Variants in WSB2 observed in about 807,000 individuals in gnomAD.
WSB2 encodes the protein WD repeat and SOCS box containing 2.
Under a neutral mutation model 48.8 loss-of-function variants are expected in WSB2, and 12 were observed. The observed-to-expected ratio is 0.25, with a 90% confidence interval of 0.16 to 0.40. The LOEUF (loss-of-function observed/expected upper bound fraction) is 0.40, where lower values mean the gene tolerates loss of function less well. WSB2 is among the 10% of genes least tolerant of loss of function. The pLI, the probability that WSB2 is intolerant of heterozygous loss-of-function variation, is 1.00. For synonymous variants in WSB2, 191 were observed against 203.1 expected, an observed-to-expected ratio of 0.94 and a Z score of 0.51; for missense variants, 317 against 506.2, an observed-to-expected ratio of 0.63 and a Z score of 3.59.
chr12:118,062,153 C>G (rs1169480942), upstream of WSB2: 2 of 1,535,546 alleles, frequency 1.3e-6, no homozygotes, highest in Admixed American at 2.0e-5. Context: ...CTCTCCCTGT[C>G]TACCCGCATA....
chr12:118,034,889 A>G (rs752697955), intron 8 of WSB2, 97 bp downstream of exon 8: 7 of 1,200,872 alleles, frequency 5.8e-6, no homozygotes, highest in Middle Eastern at 3.9e-4. Context: ...AGCTTTCCTC[A>G]TAGGCAAGAA....
intron 3 of WSB2, 27 bp from the exon 4 acceptor site, chr12:118,042,999 C>T (rs1230991241): frequency 6.2e-7 from 1 of 1,613,996 alleles, no homozygotes; most frequent in Non-Finnish European, 8.5e-7. Context: ...GGCACTGAGT[C>T]AGCCAGAGAG....
chr12:118,034,574 GCTCT>G (rs368693869), intron 8 of WSB2: 6 of 529,494 alleles, frequency 1.1e-5, no homozygotes, highest in Middle Eastern at 5.3e-4. Context: ...ATACCAAAGC[GCTCT>G]CTCTGTCTCT....
At chr12:118,036,629 T>C (rs1310045574) in intron 5 of WSB2, 119 bp from the exon 6 acceptor site, 1 of 1,068,528 alleles carries the variant, frequency 9.4e-7, no homozygotes, top group Non-Finnish European at 1.3e-6. Flanking sequence ...TGATTCTCTA[T>C]CCCTTTTCTA....
At chr12:118,052,191 G>A in intron 2 of WSB2, 119 bp downstream of exon 2, 1 of 1,355,514 alleles carries the variant, frequency 7.4e-7, no homozygotes, top group Non-Finnish European at 9.9e-7. Flanking sequence ...AAACCCCCAT[G>A]ATCAATTCCT....
intron 1 of WSB2, among the ~76,000 whole-genome samples, chr12:118,059,561 C>G (rs1033488522): frequency 1.3e-5 from 2 of 152,110 alleles, no homozygotes; most frequent in African/African-American, 4.8e-5. Context: ...TGTACAGTAA[C>G]TTGGCAGCTC....
In WSB2 at chr12:118,034,978, A is replaced by G. The variant is rs373392059; in HGVS notation, c.1052+8T>C. ...CACCACCCATCTGTTCAGCTAACAA[A>G]TACATACCCTGTGGCAATGACTCCA... is the stretch of plus-strand genomic sequence containing the variant. On this transcript the variant is annotated splice_region_variant and intron_variant, in intron 8 of 8. Coordinates refer to ENST00000315436, the MANE Select transcript of WSB2 (RefSeq NM_018639.5). The G allele has an allele frequency of 6.2e-7, 1 of 1,613,818 alleles. No individual in the cohort carries two copies. The highest frequency in any genetic ancestry group is 8.5e-7 in the Non-Finnish European group (1 of 1,179,788).
rs1566134480 is a variant in WSB2 at position 118,034,169 on chromosome 12, A to G, written c.*27T>C. The G allele has an allele frequency of 1.2e-6, 2 of 1,613,650 alleles. No individual in the cohort carries two copies. The highest frequency in any genetic ancestry group is 2.2e-5 in the East Asian group (1 of 44,882). On this transcript the variant is annotated 3_prime_UTR_variant, in exon 9 of 9. Transcript: ENST00000315436. ...CTTTGACAGGACGATTTACCCTGCT[A>G]CAAAGAAGCACAAGATGTGGTGTTG...
intron 2 of WSB2, among the ~76,000 whole-genome samples, chr12:118,043,712 G>A (rs1394998271): frequency 6.6e-6 from 1 of 152,150 alleles, no homozygotes; most frequent in Non-Finnish European, 1.5e-5. Flanking sequence ...CTCCCAAAGT[G>A]CTGGGATTAC....
In WSB2 at chr12:118,038,395, G is replaced by C. The variant is rs1349645113; in HGVS notation, c.560-7C>G. 1 of 1,613,170 alleles carries C rather than the reference G, an allele frequency of 6.2e-7. No homozygotes were observed. Among genetic ancestry groups the C allele is most frequent in the Non-Finnish European group, 8.5e-7 (1 of 1,179,566 alleles). On this transcript the variant is annotated splice_polypyrimidine_tract_variant and splice_region_variant and intron_variant, in intron 4 of 8. Coordinates refer to ENST00000315436, the MANE Select transcript of WSB2 (RefSeq NM_018639.5). ...AACACTTGAATCTGTTTACCTGGCAGGAAAAAGAAGCAAACAATGAGCCAG... is the reference window on the plus strand; with the variant it reads ...AACACTTGAATCTGTTTACCTGGCACGAAAAAGAAGCAAACAATGAGCCAG...
Position 118,036,369 on chromosome 12 carries a change from G to A in WSB2, c.802C>T (p.Pro268Ser). The change falls in exon 6 of 9, where the codon CCC (proline) becomes TCC (serine). Residue 268 changes from proline to serine, a missense_variant. By Grantham distance (74) the Pro-to-Ser change is moderately conservative. Transcript: ENST00000315436. Reference sequence around the variant, plus strand: ...GACCTCAGCCTTTCGCCGGTGTAGGGGTCCCACATAATCACATTGGTATCG... The same window carrying A: ...GACCTCAGCCTTTCGCCGGTGTAGGAGTCCCACATAATCACATTGGTATCG... ...SYDTNVIMWD[P>S]YTGERLRSLH... 1 of 1,614,134 alleles carries A rather than the reference G, an allele frequency of 6.2e-7. No homozygotes were observed. Among genetic ancestry groups the A allele is most frequent in the South Asian group, 1.1e-5 (1 of 91,076 alleles).
intron 2 of WSB2, among the ~76,000 whole-genome samples, chr12:118,051,135 A>AAT (rs2031844348): frequency 6.6e-6 from 1 of 152,178 alleles, no homozygotes; most frequent in Non-Finnish European, 1.5e-5. Context: ...ACCACTATGA[A>AAT]ATGCCACTTC....
rs896758436 is a variant in WSB2 at position 118,032,772 on chromosome 12, G to A, written c.*1424C>T. On this transcript the variant is annotated 3_prime_UTR_variant, in exon 9 of 9. Coordinates refer to ENST00000315436, the MANE Select transcript of WSB2 (RefSeq NM_018639.5). ...TGCCCAGGCTGATCTTGAACTCCTG[G>A]GCTCAAGCAGTCCTCCCACCTCAGC... The A allele has an allele frequency of 6.6e-6, 1 of 152,132 alleles. No individual in the cohort carries two copies. The highest frequency in any genetic ancestry group is 1.5e-5 in the Non-Finnish European group (1 of 68,060). The allele number at this position is 152,132 out of a possible 1,614,324, so 9.4% of individuals were successfully genotyped here.
rs911301857 is a variant in WSB2, at chr12:118,033,029, C to T, written c.*1167G>A. On this transcript the variant is annotated 3_prime_UTR_variant, in exon 9 of 9. Transcript: ENST00000315436. The stretch of plus-strand genomic sequence containing the variant: ...TCAACTTTCTCAACGAGTCATGTAA[C>T]GTTACACTGGCCTCCATAAAGCACC... 33 of 152,060 alleles carry T rather than the reference C, an allele frequency of 2.2e-4. No individual in the cohort carries two copies. Among genetic ancestry groups the T allele is most frequent in the African/African-American group, 8.0e-4 (33 of 41,400 alleles). 9.4% of individuals were successfully genotyped at this position (152,060 alleles called of 1,614,324 possible).
At chr12:118,053,416 TAAG>T (rs1373658409) in intron 1 of WSB2, among the ~76,000 whole-genome samples, 2 of 152,178 alleles carry the variant, frequency 1.3e-5, no homozygotes, top group African/African-American at 4.8e-5. Flanking sequence ...GATTCACAAC[TAAG>T]AAGCGTACCC....
chr12:118,039,346 T>G (rs114659592), intron 4 of WSB2, among the ~76,000 whole-genome samples: 37 of 152,330 alleles, frequency 2.4e-4, no homozygotes, highest in African/African-American at 8.9e-4. Flanking sequence ...TGGTGGTATA[T>G]CTACCCCATT....
At chr12:118,043,674 T>A (rs923323888) in intron 2 of WSB2, among the ~76,000 whole-genome samples, 1 of 152,146 alleles carries the variant, frequency 6.6e-6, no homozygotes, top group Non-Finnish European at 1.5e-5. Flanking sequence ...CTCAAACTCC[T>A]GAGCTCAAGT....
At chr12:118,036,242 C>T (rs757015369) in intron 6 of WSB2, 96 bp downstream of exon 6, 14 of 1,407,308 alleles carry the variant, frequency 9.9e-6, no homozygotes, top group Non-Finnish European at 1.4e-5. Context: ...CTTGTCCCCT[C>T]CCATGTCCCA....
intron 5 of WSB2, among the ~76,000 whole-genome samples, chr12:118,037,054 C>T (rs188340160): frequency 1.9e-3 from 289 of 152,196 alleles, no homozygotes; most frequent in Non-Finnish European, 3.4e-3. Flanking sequence ...TGGTGGTGCA[C>T]GCCTGTAAGC....
Sources: allele counts gnomAD v4.1 joint callset (sites outside exome capture counted in the v4.1 genomes callset), GRCh38; gene constraint gnomAD v4.1.1; transcripts MANE v1.5; gene names NCBI Gene and HGNC (gene_info 2026-07-23, HGNC 2026-07-21).